Variants in WWOX observed in about 807,000 individuals in gnomAD.
WWOX encodes the protein WW domain containing oxidoreductase, also known as WW domain-containing oxidoreductase.
WWOX carries 69 observed loss-of-function variants against 46.2 expected under a neutral mutation model. The ratio of observed to expected loss-of-function variants is 1.49; its 90% CI spans 1.23 to 1.82. The LOEUF (loss-of-function observed/expected upper bound fraction) is 1.82, where lower values mean the gene tolerates loss of function less well. WWOX is among the 40% of genes most tolerant of loss of function. The probability of loss-of-function intolerance (pLI) is 0.00; values close to 1 mark genes in which losing one functional copy is unlikely to be tolerated. For missense variants in WWOX, 919 were observed against 542.6 expected (o/e 1.69, Z -6.89); for synonymous variants, 359 against 202.6 (o/e 1.77, Z -6.56).
At chr16:78,931,520 T>C (rs139659583) in intron 8 of WWOX, among the ~76,000 whole-genome samples, 19 of 152,314 alleles carry the variant, frequency 1.2e-4, no homozygotes, top group African/African-American at 4.6e-4. Flanking sequence ...TTGCTGGGCA[T>C]GTGCTTGAAG....
rs573405892 is a variant in WWOX, at chr16:78,617,100, A to G, written c.1056+184348A>G. Among the ~76,000 whole-genome samples, 21 of 152,176 alleles carry G rather than the reference A, an allele frequency of 1.4e-4. 1 individual carries two copies. The highest frequency in any genetic ancestry group is 1.4e-3 in the East Asian group (7 of 5,150). On this transcript the variant is annotated intron_variant, in intron 8 of 8. Coordinates refer to ENST00000566780, the MANE Select transcript of WWOX (RefSeq NM_016373.4). ...ACATTCTGTTCAACCCTCCACATCA[A>G]CTGGTCAGTTTAGTCTTTAAAAGGT...
intron 8 of WWOX, among the ~76,000 whole-genome samples, chr16:79,118,094 G>A (rs1041094863): frequency 6.6e-6 from 1 of 152,238 alleles, no homozygotes; most frequent in African/African-American, 2.4e-5. Context: ...TTTCGACATG[G>A]CTTTCTCGTT....
intron 8 of WWOX, among the ~76,000 whole-genome samples, chr16:78,633,798 G>A (rs2046498707): frequency 6.6e-6 from 1 of 152,172 alleles, no homozygotes; most frequent in African/African-American, 2.4e-5. Context: ...TGCAACCCGG[G>A]CTGTGTTCCC....
At chr16:78,486,908 G>A (rs934684216) in intron 8 of WWOX, among the ~76,000 whole-genome samples, 1 of 152,178 alleles carries the variant, frequency 6.6e-6, no homozygotes, top group African/African-American at 2.4e-5. Flanking sequence ...TTGGGTTCGG[G>A]TGAAGTTGAT....
chr16:78,337,741 A>AAAGCGG (rs1567510463), intron 5 of WWOX, among the ~76,000 whole-genome samples: 1 of 124,504 alleles, frequency 8.0e-6, no homozygotes, highest in African/African-American at 2.7e-5. Flanking sequence ...AGTGCTCAGA[A>AAAGCGG]TGAAATATCC....
chr16:78,432,631 C>T lies in WWOX; in HGVS notation c.935C>T (p.Ser312Phe), dbSNP rs79399971. The T allele has an allele frequency of 4.8e-5, 77 of 1,614,100 alleles. 2 individuals carry two copies. In the South Asian group the frequency reaches 7.7e-4, roughly 16 times the overall value. Residue 312 changes from serine to phenylalanine, a missense_variant, in exon 8 of 9, where the codon TCC becomes TTC. Transcript: ENST00000566780. ...TCCAACGAGCTGCACCGTCGCCTCT[C>T]CCCACGCGGGGTCACGTCGAACGCA... is the stretch of plus-strand genomic sequence containing the variant. Reference protein sequence around the residue: ...LFSNELHRRLSPRGVTSNAVH... With the variant: ...LFSNELHRRLFPRGVTSNAVH...
At chr16:78,897,507 T>G (rs2044731188) in intron 8 of WWOX, 1 of 152,090 alleles carries the variant, frequency 6.6e-6, no homozygotes, top group African/African-American at 2.4e-5. Flanking sequence ...TATTAGGGGT[T>G]CTCTTTTTCA....
intron 8 of WWOX, among the ~76,000 whole-genome samples, chr16:78,929,132 A>C (rs1294755807): frequency 3.3e-5 from 5 of 152,214 alleles, no homozygotes; most frequent in African/African-American, 7.2e-5. Context: ...CTCTCAAGAA[A>C]TCCATTTAAG....
intron 5 of WWOX, among the ~76,000 whole-genome samples, chr16:78,191,228 C>T (rs1044072656): frequency 6.6e-6 from 1 of 152,156 alleles, no homozygotes; most frequent in Admixed American, 6.5e-5. Flanking sequence ...AAGATGCCCC[C>T]TCCTCTTGGG....
chr16:78,959,405 G>T (rs950269286), intron 8 of WWOX, among the ~76,000 whole-genome samples: 4 of 152,154 alleles, frequency 2.6e-5, no homozygotes, highest in Admixed American at 2.6e-4. Flanking sequence ...CGTCCATTAG[G>T]GGACATAAAC....
chr16:78,737,754 C>A (rs2049124064), intron 8 of WWOX, among the ~76,000 whole-genome samples: 1 of 151,898 alleles, frequency 6.6e-6, no homozygotes, highest in Non-Finnish European at 1.5e-5. Flanking sequence ...CCATTTTTTT[C>A]TTCCTCACCT....
At chr16:78,826,141 G>C (rs1232032771) in intron 8 of WWOX, 1 of 264,250 alleles carries the variant, frequency 3.8e-6, no homozygotes, top group African/African-American at 2.2e-5. Context: ...GATCACTTGA[G>C]GTCAAGAGTT....
At chr16:78,775,266 C>G (rs1473711632) in intron 8 of WWOX, among the ~76,000 whole-genome samples, 3 of 152,142 alleles carry the variant, frequency 2.0e-5, no homozygotes, top group African/African-American at 4.8e-5. Flanking sequence ...ACAAAAATAT[C>G]TTGTGGGTTT....
intron 8 of WWOX, among the ~76,000 whole-genome samples, chr16:78,784,876 G>T (rs2050416650): frequency 6.6e-6 from 1 of 152,158 alleles, no homozygotes. Context: ...TTGGTGTCCA[G>T]CGAATGCCTC....
chr16:78,118,910 C>T (rs1205934522), intron 4 of WWOX: 3 of 152,242 alleles, frequency 2.0e-5, no homozygotes, highest in South Asian at 2.1e-4. Flanking sequence ...AATGTTGCCT[C>T]CTCAGAAACT....
chr16:79,065,749 A>G (rs867067330), intron 8 of WWOX, among the ~76,000 whole-genome samples: 12 of 152,176 alleles, frequency 7.9e-5, no homozygotes, highest in Admixed American at 2.6e-4. Flanking sequence ...TTGCTTTAAG[A>G]TTAAAGTATA....
intron 8 of WWOX, among the ~76,000 whole-genome samples, chr16:79,099,803 G>A (rs904906585): frequency 6.6e-6 from 1 of 152,180 alleles, no homozygotes; most frequent in Admixed American, 6.5e-5. Flanking sequence ...ACTAAAATAA[G>A]GTTGTGGATC....
chr16:78,439,644 G>T (rs1056820386), intron 8 of WWOX, among the ~76,000 whole-genome samples: 2 of 152,198 alleles, frequency 1.3e-5, no homozygotes, highest in East Asian at 3.8e-4. Flanking sequence ...GAAATCATTT[G>T]ACATTTCTGA....
chr16:78,430,930 C>G (rs1401891266), intron 7 of WWOX, among the ~76,000 whole-genome samples: 1 of 152,132 alleles, frequency 6.6e-6, no homozygotes, highest in African/African-American at 2.4e-5. Flanking sequence ...AGGATAATTC[C>G]ATAATTTTCA....
Sources: gnomAD v4.1 joint callset for allele counts (sites outside exome capture counted in the v4.1 genomes callset) on GRCh38, gnomAD v4.1.1 for gene constraint, MANE v1.5 for transcripts, NCBI Gene and HGNC (gene_info 2026-07-23, HGNC 2026-07-21) for gene names.